RFX2: variants seen among roughly 807,000 people sequenced by gnomAD.
The protein encoded by RFX2 is DNA-binding protein RFX2.
A neutral mutation model predicts 87.8 loss-of-function variants in RFX2; 20 were observed. That is an observed-to-expected ratio of 0.23 (90% CI 0.16 to 0.33). The LOEUF is 0.33. RFX2 is among the 10% of genes least tolerant of loss of function. RFX2 has a pLI of 1.00. For missense variants in RFX2, 767 were observed against 1,012.3 expected, an observed-to-expected ratio of 0.76 and a Z score of 3.29; for synonymous variants, 397 against 431.3, an observed-to-expected ratio of 0.92 and a Z score of 0.98.
intron 1 of RFX2, among the ~76,000 whole-genome samples, chr19:6,078,637 A>G (rs2087730505): frequency 6.6e-6 from 1 of 152,220 alleles, no homozygotes; most frequent in Non-Finnish European, 1.5e-5. Flanking sequence ...AAAGATCTAG[A>G]AGGACACAAG....
intron 5 of RFX2, among the ~76,000 whole-genome samples, chr19:6,031,895 T>G (rs1451181344): frequency 6.6e-6 from 1 of 152,074 alleles, no homozygotes; most frequent in Non-Finnish European, 1.5e-5. Flanking sequence ...CATAGCTCAT[T>G]CTGGAGCTAG....
In RFX2 at chr19:6,063,254, C is replaced by A. The variant is rs112151533; in HGVS notation, c.-8-15750G>T. On this transcript the variant is annotated intron_variant, in intron 1 of 17. Transcript: ENST00000303657. This position sits in a 1 kb window ranked among gnomAD's most constrained non-coding sequence, Gnocchi z 4.0. ...CCCTCTGATTCCAACGGAATTGGAGCCTACGCCTGCCAGACCCCCAGGCCT... is the reference window on the plus strand; with the variant it reads ...CCCTCTGATTCCAACGGAATTGGAGACTACGCCTGCCAGACCCCCAGGCCT... 3.2e-3 allele frequency among the ~76,000 whole-genome samples: 480 copies of A among 152,324 alleles called. 1 individual carries two copies. The highest frequency in any genetic ancestry group is 0.014 in the Middle Eastern group (4 of 294).
At chr19:6,071,581 T>C (rs2087607145) in intron 1 of RFX2, among the ~76,000 whole-genome samples, 1 of 152,166 alleles carries the variant, frequency 6.6e-6, no homozygotes. Context: ...TCCAACCCAA[T>C]GAGAACGACA....
chr19:6,100,345 C>G (rs1378544888), intron 1 of RFX2, among the ~76,000 whole-genome samples: 3 of 152,142 alleles, frequency 2.0e-5, no homozygotes, highest in African/African-American at 7.2e-5. Context: ...CCCTTCCGTT[C>G]CTCCTGACAT....
intron 1 of RFX2, among the ~76,000 whole-genome samples, chr19:6,102,127 A>C (rs1275151059): frequency 1.3e-5 from 2 of 152,122 alleles, no homozygotes; most frequent in African/African-American, 4.8e-5. Flanking sequence ...AGTCCTGAAA[A>C]CATGGCCACA....
intron 1 of RFX2, among the ~76,000 whole-genome samples, chr19:6,070,338 C>A (rs2087588513): frequency 6.7e-6 from 1 of 148,780 alleles, no homozygotes; most frequent in African/African-American, 2.5e-5. Flanking sequence ...GGAGAGAAGA[C>A]AGAGTGTCCA....
At chr19:6,019,564 T>A (rs1481181575) in intron 6 of RFX2, among the ~76,000 whole-genome samples, 1 of 142,590 alleles carries the variant, frequency 7.0e-6, no homozygotes, top group African/African-American at 2.7e-5. Flanking sequence ...TTATATACTT[T>A]TTTTTTTTTT....
At chr19:6,100,447 C>T (rs1009479646) in intron 1 of RFX2, among the ~76,000 whole-genome samples, 17 of 152,110 alleles carry the variant, frequency 1.1e-4, no homozygotes, top group Non-Finnish European at 1.9e-4. Context: ...TGCAAAGAGC[C>T]GCAGGGAGAC....
intron 1 of RFX2, among the ~76,000 whole-genome samples, chr19:6,086,024 C>A (rs11879739): frequency 0.25 from 36,666 of 148,278 alleles, 8,501 homozygotes; most frequent in African/African-American, 0.62. Context: ...CCCAGGAGGC[C>A]GAGGCTGCAG....
intron 1 of RFX2, among the ~76,000 whole-genome samples, chr19:6,062,552 C>G (rs573015804): frequency 6.6e-6 from 1 of 152,320 alleles, no homozygotes; most frequent in South Asian, 2.1e-4. Flanking sequence ...CTACGTGGAG[C>G]TTCCGTCTCT....
At chr19:6,005,127 T>G (rs951381595) in intron 12 of RFX2, among the ~76,000 whole-genome samples, 10 of 151,536 alleles carry the variant, frequency 6.6e-5, no homozygotes, top group Non-Finnish European at 1.2e-4. Flanking sequence ...ACCAGAAAAA[T>G]ATTTTAAAAT....
At chr19:6,041,066 G>GT (rs926117997) in intron 4 of RFX2, among the ~76,000 whole-genome samples, 1 of 152,134 alleles carries the variant, frequency 6.6e-6, no homozygotes, top group Admixed American at 6.5e-5. Context: ...ATTTCCAGGG[G>GT]TTTTTTTGTT....
chr19:6,066,036 T>C (rs2087505403), intron 1 of RFX2, among the ~76,000 whole-genome samples: 1 of 152,120 alleles, frequency 6.6e-6, no homozygotes. Context: ...TGTCACCCGC[T>C]CTGAATGAAG....
chr19:6,094,406 T>G (rs549856698), intron 1 of RFX2, among the ~76,000 whole-genome samples: 48 of 152,172 alleles, frequency 3.2e-4, no homozygotes, highest in Middle Eastern at 3.2e-3. Context: ...GCACCACCTG[T>G]GTTTCAAAGT....
chr19:6,040,140 G>C lies in RFX2; in HGVS notation c.362C>G (p.Ala121Gly). ...APGGAQVTVA[A>G]SSPPAVPSHS... ...GGAGGGGACCGCTGGCGGGGACGAG[G>C]CTGCCACGGTCACCTGGGCACCGCC... The change falls in exon 5 of 18, where the codon GCC (alanine) becomes GGC (glycine). Residue 121 changes from alanine (A) to glycine (G), a missense_variant. Coordinates refer to ENST00000303657, the MANE Select transcript of RFX2 (RefSeq NM_000635.4). This position sits in a 1 kb window ranked among gnomAD's most constrained non-coding sequence, Gnocchi z 6.1. 6.2e-7 allele frequency: 1 copy of C among 1,608,766 alleles called. No homozygotes were observed. Among genetic ancestry groups the C allele is most frequent in the South Asian group, 1.1e-5 (1 of 90,948 alleles).
At chr19:6,025,847 G>A (rs1052987691) in intron 6 of RFX2, among the ~76,000 whole-genome samples, 2 of 148,222 alleles carry the variant, frequency 1.3e-5, no homozygotes, top group East Asian at 2.0e-4. Context: ...CTGCAGTGGC[G>A]TGATCTCGGC....
chr19:6,084,781 C>A (rs1177461600), intron 1 of RFX2, among the ~76,000 whole-genome samples: 1 of 152,008 alleles, frequency 6.6e-6, no homozygotes, highest in Non-Finnish European at 1.5e-5. Flanking sequence ...ATTACAGGTG[C>A]CTGCCACCAC....
chr19:6,076,720 A>T (rs1032265764), intron 1 of RFX2, among the ~76,000 whole-genome samples: 1 of 152,126 alleles, frequency 6.6e-6, no homozygotes, highest in African/African-American at 2.4e-5. Context: ...TAATTTACTG[A>T]TTTTTTGCAG....
At chr19:6,059,761 AC>A (rs1167730220) in intron 1 of RFX2, among the ~76,000 whole-genome samples, 1 of 152,226 alleles carries the variant, frequency 6.6e-6, no homozygotes, top group Non-Finnish European at 1.5e-5. Flanking sequence ...AAACACATGT[AC>A]ATACATGTAT....
Sources: allele counts gnomAD v4.1 joint callset (sites outside exome capture counted in the v4.1 genomes callset), GRCh38; gene constraint gnomAD v4.1.1; non-coding constraint Gnocchi (gnomAD v3.1); transcripts MANE v1.5; gene names NCBI Gene and HGNC (gene_info 2026-07-23, HGNC 2026-07-21).